The following CCDC102B variants were observed in gnomAD, a reference collection of about 807,000 sequenced individuals.
The protein encoded by CCDC102B is coiled-coil domain-containing protein 102B.
In CCDC102B, 75 loss-of-function variants were observed where a neutral mutation model predicts 57.4. The ratio of observed to expected loss-of-function variants is 1.31; its 90% CI spans 1.08 to 1.58. The LOEUF (loss-of-function observed/expected upper bound fraction) is 1.58, where lower values mean the gene tolerates loss of function less well. CCDC102B is among the 40% of genes most tolerant of loss of function. The probability of loss-of-function intolerance (pLI) is 0.00; values close to 1 mark genes in which losing one functional copy is unlikely to be tolerated. For synonymous variants in CCDC102B, 206 were observed against 201.9 expected, an observed-to-expected ratio of 1.02 and a Z score of -0.17; for missense variants, 636 against 582.6, an observed-to-expected ratio of 1.09 and a Z score of -0.94.
intron 6 of CCDC102B, among the ~76,000 whole-genome samples, chr18:68,916,517 G>T (rs777270709): frequency 6.6e-6 from 1 of 152,254 alleles, no homozygotes; most frequent in South Asian, 2.1e-4. Context: ...CTAATCTGCA[G>T]CTCTAGCTTC....
chr18:68,820,361 G>A (rs73967717), intron 1 of CCDC102B, among the ~76,000 whole-genome samples: 2,503 of 152,134 alleles, frequency 0.016, 56 homozygotes, highest in African/African-American at 0.055. Flanking sequence ...CACAATGATT[G>A]ATAATCAAAT....
At chr18:68,811,637 A>G (rs748716917) in intron 1 of CCDC102B, among the ~76,000 whole-genome samples, 6 of 152,158 alleles carry the variant, frequency 3.9e-5, no homozygotes, top group Non-Finnish European at 8.8e-5. Context: ...AACAAAAAAC[A>G]TAAGAAAGTC....
chr18:68,743,371 G>A (rs1213103756), intron 2 of CCDC102B, among the ~76,000 whole-genome samples: 1 of 152,154 alleles, frequency 6.6e-6, no homozygotes, highest in Admixed American at 6.6e-5. Context: ...TCGTGCCACT[G>A]CACTCCAGAC....
intron 6 of CCDC102B, among the ~76,000 whole-genome samples, chr18:68,953,180 A>C (rs1465759790): frequency 6.6e-6 from 1 of 152,116 alleles, no homozygotes; most frequent in Non-Finnish European, 1.5e-5. Flanking sequence ...AAAACAATAC[A>C]GCTAGGCATT....
chr18:68,863,113 T>TTTATTTGAA (rs1238328750), intron 4 of CCDC102B, among the ~76,000 whole-genome samples: 34 of 151,778 alleles, frequency 2.2e-4, no homozygotes, highest in Admixed American at 2.2e-3. Context: ...AATCATTTAC[T>TTTATTTGAA]TTATTTGAAT....
At chr18:68,867,731 G>C (rs954708887) in intron 4 of CCDC102B, among the ~76,000 whole-genome samples, 83 of 151,796 alleles carry the variant, frequency 5.5e-4, no homozygotes, top group African/African-American at 1.9e-3. Flanking sequence ...TCAGGAGATC[G>C]ACACCATCCT....
chr18:68,979,056 C>T (rs1161818457), intron 6 of CCDC102B, among the ~76,000 whole-genome samples: 1 of 152,004 alleles, frequency 6.6e-6, no homozygotes, highest in Non-Finnish European at 1.5e-5. Flanking sequence ...CTAGTGACCA[C>T]TGTGGTGAAG....
At chr18:68,968,311 T>C (rs972298405) in intron 6 of CCDC102B, among the ~76,000 whole-genome samples, 2 of 152,190 alleles carry the variant, frequency 1.3e-5, no homozygotes, top group African/African-American at 4.8e-5. Context: ...TAGGCAATAC[T>C]GAGCTTCTCT....
chr18:68,800,286 G>A (rs2035798294), intron 1 of CCDC102B, among the ~76,000 whole-genome samples: 1 of 152,042 alleles, frequency 6.6e-6, no homozygotes, highest in African/African-American at 2.4e-5. Flanking sequence ...GAATCTGGCA[G>A]AAGTCGAGCA....
intron 4 of CCDC102B, among the ~76,000 whole-genome samples, chr18:68,864,273 C>A (rs961765436): frequency 2.6e-5 from 4 of 151,780 alleles, no homozygotes; most frequent in Admixed American, 2.6e-4. Context: ...AACAATTTTT[C>A]TTTTCCTATA....
At chr18:68,973,827 AT>A (rs1240172042) in intron 6 of CCDC102B, among the ~76,000 whole-genome samples, 2 of 152,082 alleles carry the variant, frequency 1.3e-5, no homozygotes, top group Non-Finnish European at 2.9e-5. Context: ...AATATGGCAA[AT>A]ATGGTGATTG....
intron 2 of CCDC102B, among the ~76,000 whole-genome samples, chr18:68,736,101 G>T (rs1249559192): frequency 6.6e-6 from 1 of 152,132 alleles, no homozygotes; most frequent in Admixed American, 6.5e-5. Flanking sequence ...CTGTATAATG[G>T]ATTAAATTAT....
At chr18:68,836,314 T>C (rs1276129938) in intron 1 of CCDC102B, among the ~76,000 whole-genome samples, 1 of 152,146 alleles carries the variant, frequency 6.6e-6, no homozygotes, top group Non-Finnish European at 1.5e-5. Flanking sequence ...TATTTTTAGT[T>C]ACACTGGAAA....
At chr18:68,825,320 A>G (rs952488908) in intron 1 of CCDC102B, among the ~76,000 whole-genome samples, 1 of 152,214 alleles carries the variant, frequency 6.6e-6, no homozygotes, top group African/African-American at 2.4e-5. Flanking sequence ...CATTCAAAAA[A>G]TGGGAAAGAA....
At chr18:68,846,282 C>CT (rs542106970) in intron 3 of CCDC102B, 31 bp from the exon 4 acceptor site, 1 of 1,391,446 alleles carries the variant, frequency 7.2e-7, no homozygotes, top group Middle Eastern at 1.9e-4. Flanking sequence ...TTGAAGCCGA[C>CT]TTTTTTTCTT....
chr18:68,868,138 G>T (rs2039084860), intron 4 of CCDC102B, among the ~76,000 whole-genome samples: 1 of 150,450 alleles, frequency 6.6e-6, no homozygotes, highest in Admixed American at 6.6e-5. Context: ...TTCTAAAACT[G>T]AGTTAAAATA....
intron 1 of CCDC102B, among the ~76,000 whole-genome samples, chr18:68,802,983 T>A (rs537324215): frequency 6.6e-6 from 1 of 152,332 alleles, no homozygotes; most frequent in African/African-American, 2.4e-5. Flanking sequence ...ATACAGATAA[T>A]CATCATAGGT....
At chr18:68,870,725 G>A (rs569412511) in intron 4 of CCDC102B, among the ~76,000 whole-genome samples, 4 of 152,190 alleles carry the variant, frequency 2.6e-5, no homozygotes, top group East Asian at 3.9e-4. Flanking sequence ...TTTGGTGTTC[G>A]GGGAGATTGA....
At chr18:68,828,284 G>A (rs1392954572) in intron 1 of CCDC102B, among the ~76,000 whole-genome samples, 2 of 124,864 alleles carry the variant, frequency 1.6e-5, no homozygotes, top group African/African-American at 6.1e-5. Flanking sequence ...ATATTTTCAA[G>A]TGTCATGTAA....
Sources: gnomAD v4.1 joint callset for allele counts (sites outside exome capture counted in the v4.1 genomes callset) on GRCh38, gnomAD v4.1.1 for gene constraint, MANE v1.5 for transcripts, NCBI Gene and HGNC (gene_info 2026-07-23, HGNC 2026-07-21) for gene names.